Variants in ELMO1 observed in about 807,000 individuals in gnomAD.
ELMO1 encodes engulfment and cell motility protein 1.
In ELMO1, 26 loss-of-function variants were observed where a neutral mutation model predicts 98.9. The ratio of observed to expected loss-of-function variants is 0.26; its 90% CI spans 0.19 to 0.36. The LOEUF (loss-of-function observed/expected upper bound fraction) is 0.36, where lower values mean the gene tolerates loss of function less well. Among genes scored for constraint, ELMO1 ranks in the 10% least tolerant of loss-of-function variants. ELMO1 has a pLI of 1.00. For missense variants in ELMO1, 627 were observed against 935.2 expected, an observed-to-expected ratio of 0.67 and a Z score of 4.30; for synonymous variants, 346 against 346.0, an observed-to-expected ratio of 1.00 and a Z score of 0.00.
At chr7:36,996,168 A>AT (rs1460807697) in intron 16 of ELMO1, among the ~76,000 whole-genome samples, 1 of 152,128 alleles carries the variant, frequency 6.6e-6, no homozygotes, top group Non-Finnish European at 1.5e-5. Context: ...AAATAGCTTA[A>AT]TTTTTTTCAT....
intron 2 of ELMO1, among the ~76,000 whole-genome samples, chr7:37,341,025 C>T (rs73691697): frequency 0.016 from 2,390 of 152,310 alleles, 62 homozygotes; most frequent in African/African-American, 0.054. Context: ...CAGCTCAGCA[C>T]GTCTCAGATT....
In ELMO1 at chr7:37,274,605, T is replaced by A. The variant is rs192772375; in HGVS notation, c.193-2723A>T. ...TCTCGTTCTGTCACCTAGGCTGGAG[T>A]GCAGTGGCACGATCTGGGCTCACTG... On this transcript the variant is annotated intron_variant, in intron 4 of 21. Coordinates refer to ENST00000310758, the MANE Select transcript of ELMO1 (RefSeq NM_014800.11). Among the ~76,000 whole-genome samples, 134 of 152,074 alleles carry A rather than the reference T, an allele frequency of 8.8e-4. 1 individual carries two copies. Among genetic ancestry groups the A allele is most frequent in the African/African-American group, 3.1e-3 (128 of 41,460 alleles).
At chr7:37,412,859 C>T (rs1190405693) in intron 1 of ELMO1, among the ~76,000 whole-genome samples, 1 of 152,222 alleles carries the variant, frequency 6.6e-6, no homozygotes, top group East Asian at 1.9e-4. Flanking sequence ...CCACAGCCAG[C>T]AGCAGCTTGT....
chr7:37,435,366 TAGGG>T (rs1805101095), intron 1 of ELMO1: 2 of 152,252 alleles, frequency 1.3e-5, no homozygotes, highest in African/African-American at 4.8e-5. Flanking sequence ...ACTAAAGTCC[TAGGG>T]TGGTTTCCAC....
At chr7:36,956,504 A>AT (rs1788457109) in intron 16 of ELMO1, among the ~76,000 whole-genome samples, 1 of 152,202 alleles carries the variant, frequency 6.6e-6, no homozygotes, top group South Asian at 2.1e-4. Context: ...ATCATGTTAT[A>AT]TGTTTGTAAA....
At chr7:37,208,557 A>G (rs1281768304) in intron 13 of ELMO1, among the ~76,000 whole-genome samples, 1 of 152,224 alleles carries the variant, frequency 6.6e-6, no homozygotes, top group Non-Finnish European at 1.5e-5. Context: ...TGGGAAGTAC[A>G]GAGAGAATTC....
rs371974516 is a variant in ELMO1 at position 37,159,321 on chromosome 7, G to A, written c.1087-26087C>T. Among the ~76,000 whole-genome samples the A allele has an allele frequency of 9.9e-5, 15 of 151,204 alleles. No individual in the cohort carries two copies. The East Asian group carries it at 1.9e-3, about 20-fold the overall frequency. ...TATAATAATAAAAGAATAGGCTTAT[G>A]GCTCTAAATTGATAATGTTACTTCA... is the stretch of plus-strand genomic sequence containing the variant. On this transcript the variant is annotated intron_variant, in intron 13 of 21. Transcript: ENST00000310758.
At chr7:37,175,303 CA>C (rs1398961478) in intron 13 of ELMO1, among the ~76,000 whole-genome samples, 6 of 152,174 alleles carry the variant, frequency 3.9e-5, no homozygotes, top group African/African-American at 1.4e-4. Context: ...TTGTGCAATG[CA>C]AATTAGTCAC....
At chr7:37,144,439 C>A (rs1353424819) in intron 13 of ELMO1, among the ~76,000 whole-genome samples, 3 of 152,162 alleles carry the variant, frequency 2.0e-5, no homozygotes, top group Non-Finnish European at 4.4e-5. Context: ...CCCAGCAACT[C>A]CCCCACTCCT....
chr7:37,121,671 G>A (rs1444835493), intron 14 of ELMO1, among the ~76,000 whole-genome samples: 7 of 152,186 alleles, frequency 4.6e-5, no homozygotes. Flanking sequence ...GAAAGTGACG[G>A]GGAGAATGGA....
intron 16 of ELMO1, among the ~76,000 whole-genome samples, chr7:36,932,315 C>T (rs989836655): frequency 4.6e-5 from 7 of 151,928 alleles, no homozygotes; most frequent in African/African-American, 1.7e-4. Flanking sequence ...CAGGACTGGG[C>T]GATACGTGAT....
intron 13 of ELMO1, among the ~76,000 whole-genome samples, chr7:37,195,856 C>A: frequency 6.6e-6 from 1 of 152,228 alleles, no homozygotes; most frequent in East Asian, 1.9e-4. Flanking sequence ...TGAGGGAGAA[C>A]CCTTCAAGAA....
chr7:37,181,340 C>T (rs1320141038), intron 13 of ELMO1, among the ~76,000 whole-genome samples: 1 of 151,996 alleles, frequency 6.6e-6, no homozygotes, highest in African/African-American at 2.4e-5. Flanking sequence ...AAGGAGGATG[C>T]CCGCCTCATC....
intron 13 of ELMO1, among the ~76,000 whole-genome samples, chr7:37,150,453 A>T (rs74388103): frequency 2.0e-5 from 3 of 150,854 alleles, no homozygotes; most frequent in African/African-American, 4.9e-5. Flanking sequence ...AAAAAAAAAA[A>T]TTGTTAACTA....
intron 16 of ELMO1, chr7:36,986,042 C>T: frequency 2.0e-6 from 2 of 1,001,220 alleles, no homozygotes; most frequent in Non-Finnish European, 2.4e-6. Context: ...CCAGATGGTT[C>T]CTGAGTAAGC....
intron 16 of ELMO1, among the ~76,000 whole-genome samples, chr7:36,944,415 G>A (rs545452317): frequency 7.2e-5 from 11 of 152,280 alleles, no homozygotes; most frequent in South Asian, 6.2e-4. Flanking sequence ...AGGAGTGCAC[G>A]ATTCAAACTA....
At chr7:37,285,754 T>C (rs1057114648) in intron 4 of ELMO1, among the ~76,000 whole-genome samples, 2 of 152,176 alleles carry the variant, frequency 1.3e-5, no homozygotes, top group Admixed American at 6.5e-5. Flanking sequence ...TGCCTGTGTT[T>C]CCAGGGGAGA....
In ELMO1 at chr7:36,855,656, T is replaced by A. The variant is rs1562772705; in HGVS notation, c.2079A>T (p.Glu693Asp). 2.5e-6 allele frequency: 4 copies of A among 1,614,014 alleles called. No homozygotes were observed. In the Admixed American group the frequency reaches 6.7e-5, roughly 27 times the overall value. Residue 693 changes from glutamate to aspartate, a missense_variant, in exon 22 of 22, where the codon GAA becomes GAT. Around this residue, in one of 3 missense-constraint regions of ELMO1, gnomAD observed 492 missense variants for 715.6 expected, o/e 0.69. Transcript: ENST00000310758. The surrounding 1 kb of genome is among the most constrained non-coding windows in gnomAD (Gnocchi z 4.2). ...CCAGGTCCAGGAGGCGGAGCTTGAT[T>A]TCCATGCTGAGCAGGGTGTCCAGGT... ...RNDLDTLLSM[E>D]IKLRLLDLEN...
chr7:37,259,088 TAA>T lies in ELMO1; in HGVS notation c.413+91_413+92del. 3 of 1,411,774 alleles carry T rather than the reference TAA, an allele frequency of 2.1e-6. No individual in the cohort carries two copies. In the South Asian group the frequency reaches 4.8e-5, roughly 22 times the overall value. 87.5% of individuals were successfully genotyped at this position (1,411,774 alleles called of 1,614,324 possible). On this transcript the variant is annotated intron_variant, in intron 6 of 21. Coordinates refer to ENST00000310758, the MANE Select transcript of ELMO1 (RefSeq NM_014800.11). ...TGAGTCTAACCAAGGCTCTGGTCTTTAAAACAGAGTTTGCAAGTGTAAGGCAT... is the reference window on the plus strand; with the variant it reads ...TGAGTCTAACCAAGGCTCTGGTCTTTAACAGAGTTTGCAAGTGTAAGGCAT...
Sources: gnomAD v4.1 joint callset for allele counts (sites outside exome capture counted in the v4.1 genomes callset) on GRCh38, gnomAD v4.1.1 for gene constraint, gnomAD v4.1.1 regional missense constraint, Gnocchi (gnomAD v3.1) non-coding constraint, MANE v1.5 for transcripts, NCBI Gene and HGNC (gene_info 2026-07-23, HGNC 2026-07-21) for gene names.